Variants in TLK2 observed in about 807,000 individuals in gnomAD.
The protein encoded by TLK2 is tousled like kinase 2.
Under a neutral mutation model 117.3 loss-of-function variants are expected in TLK2, and 6 were observed. That is an observed-to-expected ratio of 0.05 (90% confidence interval 0.03 to 0.10). The LOEUF is 0.10. TLK2 is among the 10% of genes least tolerant of loss of function. The pLI, the probability that TLK2 is intolerant of heterozygous loss-of-function variation, is 1.00. For synonymous variants in TLK2, 257 were observed against 316.7 expected (o/e 0.81, Z 2.00); for missense variants, 299 against 901.2 (o/e 0.33, Z 8.56).
intron 6 of TLK2, among the ~76,000 whole-genome samples, chr17:62,532,515 A>T (rs1468624630): frequency 6.6e-6 from 1 of 151,744 alleles, no homozygotes; most frequent in Non-Finnish European, 1.5e-5. Context: ...TTTTACTTTT[A>T]TTTTTTTTGA....
chr17:62,518,988 G>T (rs535683003), intron 2 of TLK2, among the ~76,000 whole-genome samples: 1 of 152,274 alleles, frequency 6.6e-6, no homozygotes, highest in Non-Finnish European at 1.5e-5. Context: ...GGGCTCAAGC[G>T]ATCTGCCCAC....
At chr17:62,612,265 AGGCCTTAAG>A in intron 21 of TLK2, 118 bp from the exon 22 acceptor site, 4 of 954,264 alleles carry the variant, frequency 4.2e-6, no homozygotes, top group Non-Finnish European at 6.1e-6. Context: ...TTTCTGAGGA[AGGCCTTAAG>A]CCCCTTCTCT....
In TLK2 at chr17:62,588,656, T is replaced by TTTTTG. The variant is rs147114658; in HGVS notation, c.1460+2445_1460+2449dup. Among the ~76,000 whole-genome samples, 1,103 of 152,162 alleles carry TTTTTG rather than the reference T, an allele frequency of 7.2e-3. 94 individuals are homozygous for TTTTTG. The East Asian group carries it at 0.18, about 25-fold the overall frequency. On this transcript the variant is annotated intron_variant, in intron 16 of 21. Coordinates refer to ENST00000346027, the MANE Select transcript of TLK2 (RefSeq NM_006852.6). ...CTTGGGCAGCTGGGGGGAGTTCTTTTTTTTGTTTTGTTTTGTTTTCCAATC... is the reference window on the plus strand; with the variant it reads ...CTTGGGCAGCTGGGGGGAGTTCTTTTTTTTGTTTTGTTTTGTTTTGTTTTCCAATC...
At chr17:62,509,084 A>G (rs2074949068) in intron 2 of TLK2, among the ~76,000 whole-genome samples, 1 of 151,978 alleles carries the variant, frequency 6.6e-6, no homozygotes, top group South Asian at 2.1e-4. Flanking sequence ...CTTTTATTTT[A>G]TTTATTTATT....
chr17:62,475,035 A>C (rs758312030), upstream of TLK2, among the ~76,000 whole-genome samples: 2 of 152,168 alleles, frequency 1.3e-5, no homozygotes, highest in Non-Finnish European at 2.9e-5. Context: ...GATAGAGCCA[A>C]ACTTTGTCTC....
chr17:62,571,995 C>G (rs908008788), intron 11 of TLK2, among the ~76,000 whole-genome samples: 6 of 151,908 alleles, frequency 3.9e-5, no homozygotes, highest in Admixed American at 3.9e-4. Context: ...TGATGAAACC[C>G]TGTCTCTACT....
chr17:62,575,725 C>CT (rs960107225), intron 12 of TLK2, among the ~76,000 whole-genome samples: 1 of 151,824 alleles, frequency 6.6e-6, no homozygotes, highest in Non-Finnish European at 1.5e-5. Flanking sequence ...GAGACAGAGC[C>CT]TTGCTCTGTT....
chr17:62,578,169 C>CA (rs2080952649), intron 13 of TLK2, among the ~76,000 whole-genome samples: 1 of 152,144 alleles, frequency 6.6e-6, no homozygotes, highest in African/African-American at 2.4e-5. Context: ...TGTATATGCA[C>CA]AAAACATTCC....
chr17:62,510,617 G>A (rs2075068631), intron 2 of TLK2, among the ~76,000 whole-genome samples: 1 of 152,182 alleles, frequency 6.6e-6, no homozygotes, highest in South Asian at 2.1e-4. Flanking sequence ...TTTCTCCTTG[G>A]CTTGCAGATG....
At chr17:62,608,304 A>G (rs1206218123) in intron 21 of TLK2, among the ~76,000 whole-genome samples, 156 bp downstream of exon 21, 4 of 152,224 alleles carry the variant, frequency 2.6e-5, no homozygotes, top group Non-Finnish European at 5.9e-5. Context: ...AACACTTGAC[A>G]GAAGAACATT....
In TLK2 at chr17:62,499,447, T is replaced by C. The variant is rs140337611; in HGVS notation, c.81+18241T>C. ...CCCGGAGTGTTGGGATTACAGGTGT[T>C]AGGCACCGTGCCCAGCCTATTTTTT... On this transcript the variant is annotated intron_variant, in intron 2 of 21. Transcript: ENST00000346027. 5.2e-3 allele frequency among the ~76,000 whole-genome samples: 792 copies of C among 152,140 alleles called. 5 individuals are homozygous for C. Among genetic ancestry groups the C allele is most frequent in the African/African-American group, 0.018 (754 of 41,522 alleles).
intron 2 of TLK2, among the ~76,000 whole-genome samples, chr17:62,498,097 C>T (rs546773494): frequency 1.3e-5 from 2 of 152,058 alleles, no homozygotes; most frequent in African/African-American, 2.4e-5. Flanking sequence ...AACCTTTATA[C>T]CTGATAATGT....
intron 3 of TLK2, 26 bp downstream of exon 3, chr17:62,520,870 C>T (rs1567841134): frequency 6.2e-7 from 1 of 1,608,886 alleles, no homozygotes; most frequent in East Asian, 2.2e-5. Context: ...CATGGCAGGA[C>T]TTTTCATACT....
At chr17:62,505,089 C>T (rs2074557884) in intron 2 of TLK2, among the ~76,000 whole-genome samples, 1 of 152,036 alleles carries the variant, frequency 6.6e-6, no homozygotes, top group African/African-American at 2.4e-5. Context: ...ATCCACTTGA[C>T]TCAGCCTCCC....
At chr17:62,583,515 TC>T (rs1466732897) in intron 15 of TLK2, among the ~76,000 whole-genome samples, 1 of 152,176 alleles carries the variant, frequency 6.6e-6, no homozygotes, top group Non-Finnish European at 1.5e-5. Context: ...TCTTGGTGCC[TC>T]CCAGTTACTT....
chr17:62,558,605 C>A (rs2079034281), intron 9 of TLK2, among the ~76,000 whole-genome samples: 1 of 152,194 alleles, frequency 6.6e-6, no homozygotes, highest in East Asian at 1.9e-4. Context: ...GGAACACTCA[C>A]CTTATGAGTA....
At chr17:62,532,148 C>A (rs769575008) in intron 6 of TLK2, among the ~76,000 whole-genome samples, 3 of 152,150 alleles carry the variant, frequency 2.0e-5, no homozygotes, top group Non-Finnish European at 4.4e-5. Flanking sequence ...AATACTTTAT[C>A]AACTCTTCAG....
rs149479595 is a variant in TLK2 at position 62,563,776 on chromosome 17, C to T, written c.832-1225C>T. 3.5e-3 allele frequency among the ~76,000 whole-genome samples: 527 copies of T among 152,158 alleles called. 6 individuals carry two copies. Among genetic ancestry groups the T allele is most frequent in the African/African-American group, 0.012 (511 of 41,516 alleles). On this transcript the variant is annotated intron_variant, in intron 10 of 21. Coordinates refer to ENST00000346027, the MANE Select transcript of TLK2 (RefSeq NM_006852.6). ...TACTTAACATTCTTACAGTTCATGA[C>T]GTATAATTGGTTTTAAATAAACCTG... is the stretch of plus-strand genomic sequence containing the variant.
At chr17:62,522,997 T>C (rs1220523389) in intron 4 of TLK2, 137 bp from the exon 5 acceptor site, 7 of 951,674 alleles carry the variant, frequency 7.4e-6, no homozygotes. Context: ...TAAGGTATTT[T>C]GGCTCATTTG....
Sources: allele counts gnomAD v4.1 joint callset (sites outside exome capture counted in the v4.1 genomes callset), GRCh38; gene constraint gnomAD v4.1.1; transcripts MANE v1.5; gene names NCBI Gene and HGNC (gene_info 2026-07-23, HGNC 2026-07-21).